The following PARVB variants were observed in gnomAD, a reference collection of about 807,000 sequenced individuals.
The protein encoded by PARVB is parvin beta, also known as beta-parvin.
In PARVB, 46 loss-of-function variants were observed where a neutral mutation model predicts 47.0. The observed-to-expected ratio is 0.98, with a 90% confidence interval of 0.77 to 1.25. The LOEUF (loss-of-function observed/expected upper bound fraction) is 1.25, where lower values mean the gene tolerates loss of function less well. Ranked by LOEUF, PARVB falls within the 50% of genes most tolerant of loss-of-function variation. The probability of loss-of-function intolerance (pLI) is 0.00; values close to 1 mark genes in which losing one functional copy is unlikely to be tolerated. For missense variants in PARVB, 473 were observed against 471.6 expected (o/e 1.00, Z -0.03); for synonymous variants, 196 against 196.3 (o/e 1.00, Z 0.01).
In PARVB at chr22:44,119,037, G is replaced by T. The variant is rs780574485; in HGVS notation, c.274-1G>T. 1.6e-5 allele frequency: 26 copies of T among 1,611,252 alleles called. No homozygotes were observed. Among genetic ancestry groups the T allele is most frequent in the Non-Finnish European group, 2.2e-5 (26 of 1,177,472 alleles). ...GGCCATAATGCCTGCGTCTCCTGCA[G>T]GTCCTCCTCGACTGGATTAATGACG... is the stretch of plus-strand genomic sequence containing the variant. On this transcript the variant is annotated splice_acceptor_variant, in intron 3 of 12. Transcript: ENST00000338758. LOFTEE classifies it high-confidence loss of function.
At chr22:44,121,915 C>T (rs754211580) in intron 4 of PARVB, among the ~76,000 whole-genome samples, 1 of 152,204 alleles carries the variant, frequency 6.6e-6, no homozygotes, top group Non-Finnish European at 1.5e-5. Flanking sequence ...ACCAATACCT[C>T]TATCAACTAC....
In PARVB at chr22:44,155,932, C is replaced by A. The variant is rs1490801767; in HGVS notation, c.844-2050C>A. Among the ~76,000 whole-genome samples, 1 of 152,076 alleles carries A rather than the reference C, an allele frequency of 6.6e-6. No individual in the cohort carries two copies. Among genetic ancestry groups the A allele is most frequent in the African/African-American group, 2.4e-5 (1 of 41,404 alleles). ...CTTTGGGTGGCCGAGGTGGGTGGAT[C>A]ATGAGGTCAGGAGTTCAAGACCAGC... is the stretch of plus-strand genomic sequence containing the variant. On this transcript the variant is annotated intron_variant, in intron 10 of 12. Coordinates refer to ENST00000338758, the MANE Select transcript of PARVB (RefSeq NM_013327.5). This position sits in a 1 kb window ranked among gnomAD's most constrained non-coding sequence, Gnocchi z 4.8.
chr22:44,112,835 G>T (rs2052738948), intron 3 of PARVB: 1 of 126,744 alleles, frequency 7.9e-6, no homozygotes, highest in Admixed American at 7.8e-5. Flanking sequence ...CACCAACACA[G>T]ATACGTTGTT....
chr22:44,165,956 G>A (rs1420277360), intron 12 of PARVB, among the ~76,000 whole-genome samples: 1 of 152,220 alleles, frequency 6.6e-6, no homozygotes, highest in Non-Finnish European at 1.5e-5. Flanking sequence ...CATGTCCACT[G>A]TGGGCTTGGC....
intron 1 of PARVB, among the ~76,000 whole-genome samples, chr22:44,036,490 A>G (rs1390482659): frequency 6.6e-6 from 1 of 152,082 alleles, no homozygotes; most frequent in Non-Finnish European, 1.5e-5. Context: ...ATTTTTAAAA[A>G]TATTTCTGGG....
upstream of PARVB, among the ~76,000 whole-genome samples, chr22:44,023,227 T>C (rs2050671740): frequency 6.6e-6 from 1 of 152,074 alleles, no homozygotes; most frequent in Non-Finnish European, 1.5e-5. Flanking sequence ...CCTGGGTATC[T>C]AGGCTGGGCA....
At chr22:44,057,350 A>T (rs956907413) in intron 1 of PARVB, among the ~76,000 whole-genome samples, 2 of 152,166 alleles carry the variant, frequency 1.3e-5, no homozygotes, top group African/African-American at 4.8e-5. Flanking sequence ...TGGTTCTAGA[A>T]CTAATGAAGT....
chr22:44,166,132 C>G (rs1361081387), intron 12 of PARVB, among the ~76,000 whole-genome samples: 2 of 152,156 alleles, frequency 1.3e-5, no homozygotes, highest in Admixed American at 1.3e-4. Flanking sequence ...TTTTCTGAGA[C>G]AGAGTCTTAC....
intron 2 of PARVB, among the ~76,000 whole-genome samples, chr22:44,002,708 A>G (rs1435887478): frequency 1.3e-5 from 2 of 152,150 alleles, no homozygotes; most frequent in Non-Finnish European, 2.9e-5. Flanking sequence ...TTACATTTAC[A>G]CATACAGATT....
At chr22:44,001,863 C>G (rs2050416120) in intron 2 of PARVB, among the ~76,000 whole-genome samples, 1 of 152,220 alleles carries the variant, frequency 6.6e-6, no homozygotes, top group African/African-American at 2.4e-5. Flanking sequence ...ACCCAATCAC[C>G]CAGGGCTTTC....
intron 12 of PARVB, among the ~76,000 whole-genome samples, chr22:44,166,415 T>C (rs1360243826): frequency 6.6e-6 from 1 of 152,224 alleles, no homozygotes; most frequent in Non-Finnish European, 1.5e-5. Context: ...TGGCCCTTTG[T>C]CCCGTTTTTG....
intron 8 of PARVB, chr22:44,140,508 G>T: frequency 1.7e-6 from 1 of 585,806 alleles, no homozygotes; most frequent in Non-Finnish European, 3.3e-6. Context: ...AGCGTCGTTA[G>T]CTGGCTGGAA....
chr22:44,024,387 G>T lies in PARVB; in HGVS notation c.48G>T (p.Lys16Asn). 8.0e-7 allele frequency: 1 copy of T among 1,249,352 alleles called. No individual in the cohort carries two copies. The highest frequency in any genetic ancestry group is 4.2e-5 in the East Asian group (1 of 23,948). 77.4% of individuals were successfully genotyped at this position (1,249,352 alleles called of 1,614,324 possible). A position where few individuals can be genotyped will look rare whatever the true frequency, so the allele number is the denominator to read the frequency against. The stretch of plus-strand genomic sequence containing the variant: ...CCACCCCGCGGCCCCGCAGGATGAA[G>T]AAGGACGAGTCGTTCCTGGGCAAGC... ...RSPTPRPRRM[K>N]KDESFLGKLG... The change falls in exon 1 of 13, where the codon AAG (lysine) becomes AAT (asparagine). Residue 16 changes from lysine to asparagine, a missense_variant. By Grantham distance (94) the Lys-to-Asn change is moderately conservative. Transcript: ENST00000338758.
At chr22:44,034,291 ATACATATATATGTTTGAGATGGGT>A (rs2050878242) in intron 1 of PARVB, among the ~76,000 whole-genome samples, 1 of 123,430 alleles carries the variant, frequency 8.1e-6, no homozygotes, top group Non-Finnish European at 1.8e-5. Flanking sequence ...GGGTGTCTTT[ATACATATATATGTTTGAGATGGGT>A]GTCTTTATAC....
intron 4 of PARVB, among the ~76,000 whole-genome samples, chr22:44,127,947 A>T (rs944818845): frequency 1.3e-5 from 2 of 152,100 alleles, no homozygotes; most frequent in Non-Finnish European, 2.9e-5. Flanking sequence ...CACCATGCCC[A>T]GATAATTTTT....
chr22:44,110,321 A>G (rs2052668086), intron 3 of PARVB: 1 of 152,062 alleles, frequency 6.6e-6, no homozygotes, highest in African/African-American at 2.4e-5. Flanking sequence ...GCTCCGAAGA[A>G]GACTAAGGCA....
upstream of PARVB, among the ~76,000 whole-genome samples, chr22:44,019,672 CAA>C (rs1267449402): frequency 6.6e-6 from 1 of 152,178 alleles, no homozygotes; most frequent in Non-Finnish European, 1.5e-5. Context: ...GATTACAGGG[CAA>C]GAGAGGAAGC....
Position 44,128,764 on chromosome 22 carries a change from G to A in PARVB, c.377-2723G>A, listed in dbSNP as rs141757643. Among the ~76,000 whole-genome samples the A allele has an allele frequency of 6.2e-3, 951 of 152,268 alleles. 7 individuals are homozygous for A. Among genetic ancestry groups the A allele is most frequent in the African/African-American group, 0.02 (843 of 41,550 alleles). On this transcript the variant is annotated intron_variant, in intron 4 of 12. Coordinates refer to ENST00000338758, the MANE Select transcript of PARVB (RefSeq NM_013327.5). Reference sequence around the variant, plus strand: ...CAGCCAGCCCTGCAGGTTGAACCTCGGAATGTGACTGTATTTATAGAGATA... The same window carrying A: ...CAGCCAGCCCTGCAGGTTGAACCTCAGAATGTGACTGTATTTATAGAGATA...
intron 1 of PARVB, among the ~76,000 whole-genome samples, chr22:44,056,263 C>T (rs970149396): frequency 1.3e-5 from 2 of 152,186 alleles, no homozygotes; most frequent in African/African-American, 2.4e-5. Flanking sequence ...CCAGGAGCAC[C>T]GTCCCTTTGT....
Sources: allele counts gnomAD v4.1 joint callset (sites outside exome capture counted in the v4.1 genomes callset), GRCh38; gene constraint gnomAD v4.1.1; non-coding constraint Gnocchi (gnomAD v3.1); transcripts MANE v1.5; gene names NCBI Gene and HGNC (gene_info 2026-07-23, HGNC 2026-07-21).